Variants in SPMIP7 observed in about 807,000 individuals in gnomAD.
SPMIP7 encodes the protein protein SPMIP7.
chr7:50,158,960 A>G, the SPMIP7 span: 1 of 1,385,912 alleles, frequency 7.2e-7, no homozygotes, highest in Non-Finnish European at 9.9e-7. Flanking sequence ...CTTCCCGCAC[A>G]GGGGTATCAT....
At chr7:50,120,764 A>G in the SPMIP7 span, among the ~76,000 whole-genome samples, 75 of 152,192 alleles carry the variant, frequency 4.9e-4, no homozygotes, top group Non-Finnish European at 9.7e-4. Context: ...ACAGATTACT[A>G]TGATTGATAT....
At chr7:50,149,026 T>C in the SPMIP7 span, among the ~76,000 whole-genome samples, 1 of 152,168 alleles carries the variant, frequency 6.6e-6, no homozygotes, top group Non-Finnish European at 1.5e-5. Flanking sequence ...ACACCTGTAA[T>C]AGCAGCTACT....
At chr7:50,141,305 T>G in the SPMIP7 span, 1 of 1,551,736 alleles carries the variant, frequency 6.4e-7, no homozygotes, top group African/African-American at 1.4e-5. Flanking sequence ...CTACAAATGC[T>G]GATGATGTTG....
chr7:50,117,324 A>G, the SPMIP7 span: 1 of 440,472 alleles, frequency 2.3e-6, no homozygotes, highest in East Asian at 7.0e-5. Context: ...GCTAAGCCAT[A>G]TTTTAATTGT....
At chr7:50,116,813 T>A in the SPMIP7 span, among the ~76,000 whole-genome samples, 1 of 151,998 alleles carries the variant, frequency 6.6e-6, no homozygotes, top group Non-Finnish European at 1.5e-5. Flanking sequence ...AGGGGAAAAA[T>A]TCAATATCCT....
At chr7:50,109,809 T>C in the SPMIP7 span, among the ~76,000 whole-genome samples, 1 of 152,224 alleles carries the variant, frequency 6.6e-6, no homozygotes, top group African/African-American at 2.4e-5. Flanking sequence ...AATAATAAGC[T>C]GGTAAAATAA....
At chr7:50,122,629 A>C in the SPMIP7 span, among the ~76,000 whole-genome samples, 1 of 149,900 alleles carries the variant, frequency 6.7e-6, no homozygotes, top group Non-Finnish European at 1.5e-5. Flanking sequence ...GTGAACAGGC[A>C]ACCTACAAAA....
chr7:50,135,846 A>G, the SPMIP7 span, among the ~76,000 whole-genome samples: 1 of 152,224 alleles, frequency 6.6e-6, no homozygotes, highest in Non-Finnish European at 1.5e-5. Context: ...TTTCGGTATG[A>G]AACAGGTGGA....
the SPMIP7 span, among the ~76,000 whole-genome samples, chr7:50,145,610 ATGTG>A: frequency 0.077 from 2,688 of 34,706 alleles, 340 homozygotes; most frequent in South Asian, 0.088. Flanking sequence ...GTGTGTGTAT[ATGTG>A]TGTGTATATA....
the SPMIP7 span, among the ~76,000 whole-genome samples, chr7:50,102,965 A>C: frequency 6.7e-6 from 1 of 148,272 alleles, no homozygotes; most frequent in African/African-American, 2.5e-5. Flanking sequence ...TACATTACTT[A>C]TATATATATA....
the SPMIP7 span, among the ~76,000 whole-genome samples, chr7:50,153,670 G>A: frequency 1.3e-5 from 2 of 152,188 alleles, no homozygotes; most frequent in Non-Finnish European, 2.9e-5. Flanking sequence ...TAAGGAAACT[G>A]AGGCACACAC....
chr7:50,152,597 G>T, the SPMIP7 span, among the ~76,000 whole-genome samples: 2 of 152,074 alleles, frequency 1.3e-5, no homozygotes, highest in African/African-American at 2.4e-5. Context: ...ACGGCAGTTC[G>T]CCCCCAAAAG....
the SPMIP7 span, chr7:50,142,011 A>AACC: frequency 6.6e-6 from 1 of 152,074 alleles, no homozygotes; most frequent in Admixed American, 6.6e-5. Flanking sequence ...TACAGGAGTG[A>AACC]ACCACCGCGC....
At chr7:50,154,607 T>G in the SPMIP7 span, among the ~76,000 whole-genome samples, 2 of 152,236 alleles carry the variant, frequency 1.3e-5, no homozygotes, top group Non-Finnish European at 2.9e-5. Context: ...ATTTTCTTTA[T>G]CCATTCATCT....
the SPMIP7 span, among the ~76,000 whole-genome samples, chr7:50,111,243 C>T: frequency 5.3e-5 from 8 of 151,700 alleles, no homozygotes; most frequent in East Asian, 1.4e-3. Context: ...GTTTAACAGG[C>T]AAAAGAAAGA....
At chr7:50,096,576 A>C in the SPMIP7 span, 5 of 1,551,986 alleles carry the variant, frequency 3.2e-6, no homozygotes, top group Non-Finnish European at 4.4e-6. Flanking sequence ...GAAGAACTGC[A>C]ACAGAACAGG....
chr7:50,115,030 C>CAA, the SPMIP7 span, among the ~76,000 whole-genome samples: 2 of 113,700 alleles, frequency 1.8e-5, no homozygotes, highest in Non-Finnish European at 1.8e-5. Context: ...ATTCTGTCTC[C>CAA]AAAAAAAAAA....
At chr7:50,136,659 T>G in the SPMIP7 span, among the ~76,000 whole-genome samples, 4 of 152,292 alleles carry the variant, frequency 2.6e-5, no homozygotes, top group East Asian at 7.7e-4. Context: ...TTTCAATCAA[T>G]TTTTGTATTA....
At chr7:50,136,003 A>G in the SPMIP7 span, 2 of 869,380 alleles carry the variant, frequency 2.3e-6, no homozygotes, top group Non-Finnish European at 1.9e-6. Context: ...GGGCATAGCT[A>G]TGACGTAGAA....
Sources: allele counts gnomAD v4.1 joint callset (sites outside exome capture counted in the v4.1 genomes callset), GRCh38; gene constraint gnomAD v4.1.1; transcripts MANE v1.5; gene names NCBI Gene and HGNC (gene_info 2026-07-23, HGNC 2026-07-21).